The following CELF4 variants were observed in gnomAD, a reference collection of about 807,000 sequenced individuals.
CELF4 encodes the protein CUG-BP- and ETR-3-like factor 4.
CELF4 carries 18 observed loss-of-function variants against 59.9 expected under a neutral mutation model. The observed-to-expected ratio is 0.30, with a 90% CI of 0.21 to 0.45. CELF4 has a LOEUF of 0.45. CELF4 is among the 20% of genes least tolerant of loss of function. CELF4 has a pLI of 1.00. For missense variants in CELF4, 456 were observed against 689.0 expected (o/e 0.66, Z 3.79); for synonymous variants, 261 against 267.1 (o/e 0.98, Z 0.22).
chr18:37,423,085 G>C (rs62083621), intron 2 of CELF4, among the ~76,000 whole-genome samples: 87 of 59,810 alleles, frequency 1.5e-3, no homozygotes, highest in African/African-American at 2.5e-3. Flanking sequence ...CACACACAGA[G>C]ACAGAGAGAG....
Position 37,253,999 on chromosome 18 carries a change from C to T in CELF4, c.1334-61G>A, listed in dbSNP as rs1260813764. On this transcript the variant is annotated intron_variant, in intron 11 of 12. Coordinates refer to ENST00000420428, the MANE Select transcript of CELF4 (RefSeq NM_020180.4). The surrounding 1 kb of genome is among the most constrained non-coding windows in gnomAD (Gnocchi z 4.5). Reference sequence around the variant, plus strand: ...ACGGGGCCGCCCGGGGCGCTGCCGGCGGGGAGGGGTCGGGGGACAGGGGGG... The same window carrying T: ...ACGGGGCCGCCCGGGGCGCTGCCGGTGGGGAGGGGTCGGGGGACAGGGGGG... 6.2e-5 allele frequency: 15 copies of T among 242,870 alleles called. No individual in the cohort carries two copies. The East Asian group carries it at 1.5e-3, about 24-fold the overall frequency. The allele number at this position is 242,870 out of a possible 1,614,324, so 15.0% of individuals were successfully genotyped here. A position where few individuals can be genotyped will look rare whatever the true frequency, so the allele number is the denominator to read the frequency against.
chr18:37,491,650 G>A (rs2099905817), intron 1 of CELF4, among the ~76,000 whole-genome samples: 1 of 152,172 alleles, frequency 6.6e-6, no homozygotes, highest in African/African-American at 2.4e-5. Context: ...GGAGGGAAGG[G>A]AGAAGGAGTG....
intron 2 of CELF4, among the ~76,000 whole-genome samples, chr18:37,350,626 G>A (rs1368013995): frequency 6.6e-6 from 1 of 152,160 alleles, no homozygotes; most frequent in Non-Finnish European, 1.5e-5. Context: ...CTGTTTTACT[G>A]AGCTAGGCAA....
intron 2 of CELF4, among the ~76,000 whole-genome samples, chr18:37,479,057 G>T (rs763086605): frequency 5.3e-5 from 8 of 152,218 alleles, no homozygotes; most frequent in Non-Finnish European, 1.0e-4. Flanking sequence ...GCTGGAGTCG[G>T]TGCTGAAACT....
intron 2 of CELF4, among the ~76,000 whole-genome samples, chr18:37,447,797 T>G (rs907974380): frequency 1.3e-5 from 2 of 152,258 alleles, no homozygotes; most frequent in Middle Eastern, 3.2e-3. Context: ...CCTGTCTTTT[T>G]GTGGGAGATT....
At chr18:37,399,459 A>C (rs2099294266) in intron 2 of CELF4, among the ~76,000 whole-genome samples, 1 of 152,180 alleles carries the variant, frequency 6.6e-6, no homozygotes, top group African/African-American at 2.4e-5. Context: ...AAGCCAAATA[A>C]GGCTCTATTA....
chr18:37,258,840 G>T (rs1214724242), intron 11 of CELF4, among the ~76,000 whole-genome samples: 1 of 152,196 alleles, frequency 6.6e-6, no homozygotes, highest in Non-Finnish European at 1.5e-5. Context: ...TGTCAAGGTG[G>T]CCCCTTTCCC....
At chr18:37,329,965 C>T (rs761653418) in intron 2 of CELF4, among the ~76,000 whole-genome samples, 39 of 152,204 alleles carry the variant, frequency 2.6e-4, no homozygotes, top group Non-Finnish European at 4.6e-4. Context: ...AAGCATTGCC[C>T]AGGTCTGTGC....
chr18:37,374,832 C>T (rs999463034), intron 2 of CELF4, among the ~76,000 whole-genome samples: 2 of 152,220 alleles, frequency 1.3e-5, no homozygotes, highest in Non-Finnish European at 2.9e-5. Flanking sequence ...GGCCCTGCCT[C>T]TTTGAGCTGC....
intron 1 of CELF4, among the ~76,000 whole-genome samples, chr18:37,498,793 G>A (rs976710999): frequency 6.6e-6 from 1 of 152,068 alleles, no homozygotes; most frequent in Admixed American, 6.5e-5. Flanking sequence ...TGGGAGGGAG[G>A]TGGGTCTGGC....
chr18:37,461,521 C>T (rs1421671426), intron 2 of CELF4, among the ~76,000 whole-genome samples: 1 of 152,220 alleles, frequency 6.6e-6, no homozygotes, highest in African/African-American at 2.4e-5. Context: ...GATTAAATTA[C>T]CTCCCACCAG....
chr18:37,386,278 A>G (rs1401882302), intron 2 of CELF4, among the ~76,000 whole-genome samples: 3 of 152,256 alleles, frequency 2.0e-5, no homozygotes, highest in Non-Finnish European at 4.4e-5. Flanking sequence ...AGAGAAAGGA[A>G]TAATTAACTC....
intron 1 of CELF4, among the ~76,000 whole-genome samples, chr18:37,517,155 C>T (rs1432891545): frequency 2.6e-5 from 4 of 152,294 alleles, no homozygotes; most frequent in East Asian, 1.9e-4. Context: ...TGCTCCCTCC[C>T]CATGCCCTGC....
chr18:37,492,511 G>A (rs149694396), intron 1 of CELF4, among the ~76,000 whole-genome samples: 50 of 152,272 alleles, frequency 3.3e-4, no homozygotes, highest in African/African-American at 1.1e-3. Context: ...GGTCACATCT[G>A]TTCCCCCATC....
At chr18:37,353,138 T>G (rs984455931) in intron 2 of CELF4, among the ~76,000 whole-genome samples, 9 of 150,280 alleles carry the variant, frequency 6.0e-5, no homozygotes, top group East Asian at 2.0e-4. Context: ...GGAGAATTGC[T>G]TGAACCCGGG....
At chr18:37,495,554 G>A (rs888127961) in intron 1 of CELF4, among the ~76,000 whole-genome samples, 4 of 152,160 alleles carry the variant, frequency 2.6e-5, no homozygotes, top group Non-Finnish European at 5.9e-5. Context: ...AGTGGCTAGT[G>A]TCATTTGCTT....
intron 2 of CELF4, among the ~76,000 whole-genome samples, chr18:37,413,408 A>T (rs2099492481): frequency 6.6e-6 from 1 of 152,262 alleles, no homozygotes; most frequent in East Asian, 1.9e-4. Context: ...AAGGCTGTGT[A>T]AGGGTATGTT....
intron 3 of CELF4, among the ~76,000 whole-genome samples, chr18:37,314,933 T>C (rs1489471757): frequency 6.6e-6 from 1 of 152,102 alleles, no homozygotes; most frequent in Non-Finnish European, 1.5e-5. Flanking sequence ...AGCCCGGGCC[T>C]CACTTGCCAC....
At chr18:37,490,968 C>G (rs541372690) in intron 1 of CELF4, among the ~76,000 whole-genome samples, 3 of 152,102 alleles carry the variant, frequency 2.0e-5, no homozygotes, top group Non-Finnish European at 4.4e-5. Flanking sequence ...CGGGATCAAG[C>G]AGGATAGAAG....
Sources: gnomAD v4.1 joint callset for allele counts (sites outside exome capture counted in the v4.1 genomes callset) on GRCh38, gnomAD v4.1.1 for gene constraint, Gnocchi (gnomAD v3.1) non-coding constraint, MANE v1.5 for transcripts, NCBI Gene and HGNC (gene_info 2026-07-23, HGNC 2026-07-21) for gene names.